Variants in SCUBE2 observed in about 807,000 individuals in gnomAD.
SCUBE2 encodes signal peptide, CUB and EGF-like domain-containing protein 2.
SCUBE2 carries 114 observed loss-of-function variants against 125.9 expected under a neutral mutation model. The observed-to-expected ratio is 0.91, with a 90% CI of 0.78 to 1.06. The LOEUF (loss-of-function observed/expected upper bound fraction) is 1.06, where lower values mean the gene tolerates loss of function less well. Ranked by LOEUF, SCUBE2 falls within the 50% of genes least tolerant of loss-of-function variation. The pLI, the probability that SCUBE2 is intolerant of heterozygous loss-of-function variation, is 0.00. For synonymous variants in SCUBE2, 459 were observed against 492.9 expected (o/e 0.93, Z 0.91); for missense variants, 1,255 against 1,301.8 (o/e 0.96, Z 0.55).
chr11:9,069,457 G>A lies in SCUBE2; in HGVS notation c.556C>T (p.His186Tyr), dbSNP rs1860569747. 2 of 1,614,134 alleles carry A rather than the reference G, an allele frequency of 1.2e-6. No homozygotes were observed. The highest frequency in any genetic ancestry group is 1.7e-6 in the Non-Finnish European group (2 of 1,180,054). ...CCCCTTGGGGCCTCCTTGCAGATGT[G>A]ACTACAGCCGTGATCCTTATTCATG... The part of the protein sequence containing the change: ...SCMNKDHGCS[H>Y]ICKEAPRGSV... The change falls in exon 5 of 23, where the codon CAC becomes TAC. Residue 186 changes from histidine (H) to tyrosine (Y), a missense_variant. By Grantham distance (83) the His-to-Tyr change is moderately conservative. Transcript: ENST00000649792.
intron 16 of SCUBE2, among the ~76,000 whole-genome samples, chr11:9,034,186 C>T (rs925838284): frequency 6.6e-6 from 1 of 152,198 alleles, no homozygotes; most frequent in African/African-American, 2.4e-5. Context: ...AGGTCTAGTG[C>T]TGGAAGAACA....
intron 4 of SCUBE2, 43 bp downstream of exon 4, chr11:9,074,438 C>G: frequency 1.9e-6 from 3 of 1,609,256 alleles, no homozygotes; most frequent in East Asian, 2.2e-5. Context: ...GGGAGAGGGT[C>G]TCAGATGTGG....
Position 9,066,789 on chromosome 11 carries a change from C to T in SCUBE2, c.668G>A (p.Gly223Glu), listed in dbSNP as rs1389578563. The change falls in exon 6 of 23, where the codon GGG (glycine) becomes GAG (glutamate). Residue 223 changes from glycine (G) to glutamate (E), a missense_variant. Transcript: ENST00000649792. ...TGTATCGTCACAGGAGTGCTGGCAC[C>T]CACCGTTCCCATGGTTACAGGTCAC... ...CILTCNHGNG[G>E]CQHSCDDTAD... The T allele has an allele frequency of 5.0e-6, 8 of 1,613,974 alleles. No individual in the cohort carries two copies. Among genetic ancestry groups the T allele is most frequent in the Non-Finnish European group, 5.9e-6 (7 of 1,180,004 alleles).
chr11:9,036,578 G>A (rs947880182), intron 16 of SCUBE2, among the ~76,000 whole-genome samples: 1 of 152,152 alleles, frequency 6.6e-6, no homozygotes, highest in Non-Finnish European at 1.5e-5. Context: ...ACTCATCCAC[G>A]GAAGGGAAAG....
chr11:9,068,411 G>A (rs142171517), intron 5 of SCUBE2, among the ~76,000 whole-genome samples: 120 of 152,300 alleles, frequency 7.9e-4, no homozygotes, highest in Non-Finnish European at 1.4e-3. Flanking sequence ...AAACACAAGT[G>A]TACTGAGCAT....
intron 4 of SCUBE2, among the ~76,000 whole-genome samples, chr11:9,070,629 G>A (rs1182966110): frequency 6.6e-6 from 1 of 152,162 alleles, no homozygotes; most frequent in Non-Finnish European, 1.5e-5. Context: ...AGTACAAAAA[G>A]GTTGCTTTCA....
intron 2 of SCUBE2, among the ~76,000 whole-genome samples, chr11:9,084,403 T>C (rs182524000): frequency 6.6e-6 from 1 of 152,264 alleles, no homozygotes; most frequent in African/African-American, 2.4e-5. Context: ...GAGACACACA[T>C]CACAGTAATA....
In SCUBE2 at chr11:9,060,487, G is replaced by A. The variant is rs1233464954; in HGVS notation, c.888C>T (p.Thr296=). 6.2e-7 allele frequency: 1 copy of A among 1,614,060 alleles called. No individual in the cohort carries two copies. Among genetic ancestry groups the A allele is most frequent in the Admixed American group, 1.7e-5 (1 of 60,022 alleles). The change falls in exon 8 of 23, where the codon ACC becomes ACT. Residue 296 remains threonine (T), a synonymous_variant. Coordinates refer to ENST00000649792, the MANE Select transcript of SCUBE2 (RefSeq NM_001367977.2). ...CAVNNGGCDR[T]CKDTSTGVHC... is the part of the protein sequence containing the mutation. Reference sequence around the variant, plus strand: ...GGACACCTGTCGAAGTATCCTTACAGGTGCGGTCACAGCCTCCATTGTTGA... The same window carrying A: ...GGACACCTGTCGAAGTATCCTTACAAGTGCGGTCACAGCCTCCATTGTTGA...
In SCUBE2 at chr11:9,053,754, T is replaced by A; in HGVS notation, c.1213A>T (p.Asn405Tyr). ...CCTCCGTTGTTGATGCTGCACTCAT[T>A]GGTGTCTGTGGAACAAAATACTCTC... is the stretch of plus-strand genomic sequence containing the variant. Reference protein sequence around the residue: ...LYGFTHCGDTNECSINNGGCQ... With the variant: ...LYGFTHCGDTYECSINNGGCQ... Residue 405 changes from asparagine to tyrosine, a missense_variant, in exon 11 of 23, where the codon AAT becomes TAT. This residue lies in a region of SCUBE2 where 378 missense variants were observed against 463.1 expected (regional missense o/e 0.82). Transcript: ENST00000649792. 6.2e-7 allele frequency: 1 copy of A among 1,612,838 alleles called. No individual in the cohort carries two copies. Among genetic ancestry groups the A allele is most frequent in the Non-Finnish European group, 8.5e-7 (1 of 1,179,020 alleles).
At chr11:9,083,430 T>C (rs1049098676) in intron 2 of SCUBE2, among the ~76,000 whole-genome samples, 6 of 152,200 alleles carry the variant, frequency 3.9e-5, no homozygotes, top group Non-Finnish European at 7.3e-5. Context: ...TATGGACTTA[T>C]AATTCTGTAA....
At chr11:9,067,868 C>G (rs1247063953) in intron 5 of SCUBE2, among the ~76,000 whole-genome samples, 1 of 138,424 alleles carries the variant, frequency 7.2e-6, no homozygotes, top group Non-Finnish European at 1.6e-5. Context: ...CACCCCCCCG[C>G]CCCCTTCAGC....
chr11:9,059,515 T>C (rs1859453110), intron 8 of SCUBE2, 90 bp from the exon 9 acceptor site: 4 of 1,430,694 alleles, frequency 2.8e-6, no homozygotes, highest in Admixed American at 4.5e-5. Flanking sequence ...TGTTCATTAG[T>C]CTCTGAAATT....
At position 9,053,638 on chromosome 11, in the gene SCUBE2, C is replaced by T; in HGVS notation, c.1329G>A (p.Val443=). The T allele has an allele frequency of 6.2e-7, 1 of 1,613,976 alleles. No homozygotes were observed. Among genetic ancestry groups the T allele is most frequent in the Non-Finnish European group, 8.5e-7 (1 of 1,179,912 alleles). Residue 443 remains valine, a splice_region_variant and synonymous_variant, in exon 11 of 23, where the codon GTG becomes GTA. Coordinates refer to ENST00000649792, the MANE Select transcript of SCUBE2 (RefSeq NM_001367977.2). ...AGTCTGTGCCTCGGTTCCCCTTACCCACACAGTCTTTTTTATTCCAGTGGA... is the reference window on the plus strand; with the variant it reads ...AGTCTGTGCCTCGGTTCCCCTTACCTACACAGTCTTTTTTATTCCAGTGGA... ...YKLHWNKKDC[V]EVKGLLPTSV...
intron 17 of SCUBE2, among the ~76,000 whole-genome samples, chr11:9,031,586 C>T (rs1031354223): frequency 1.3e-5 from 2 of 151,938 alleles, no homozygotes; most frequent in Admixed American, 1.3e-4. Context: ...CATATTTGCA[C>T]CACGGCACTC....
At chr11:9,035,313 C>T (rs1856666982) in intron 16 of SCUBE2, among the ~76,000 whole-genome samples, 1 of 152,164 alleles carries the variant, frequency 6.6e-6, no homozygotes. Context: ...TTTACAGAAA[C>T]AGAGACTTAG....
intron 13 of SCUBE2, 85 bp downstream of exon 13, chr11:9,052,661 G>C: frequency 9.9e-7 from 1 of 1,012,758 alleles, no homozygotes; most frequent in Non-Finnish European, 1.4e-6. Flanking sequence ...AAAAAACAAA[G>C]CCAATGTCCA....
At chr11:9,049,799 A>G (rs1858164470) in intron 14 of SCUBE2, 1 of 152,196 alleles carries the variant, frequency 6.6e-6, no homozygotes, top group South Asian at 2.1e-4. Context: ...TTATAACAAG[A>G]CCATTTTCCT....
intron 13 of SCUBE2, among the ~76,000 whole-genome samples, chr11:9,052,059 T>C (rs755454615): frequency 6.6e-6 from 1 of 152,216 alleles, no homozygotes; most frequent in Non-Finnish European, 1.5e-5. Flanking sequence ...CTTCATCTGG[T>C]TAATGAGAAT....
At position 9,021,130 on chromosome 11, in the gene SCUBE2, G is replaced by A. The variant is rs778060034; in HGVS notation, c.3002C>T (p.Ala1001Val). The A allele has an allele frequency of 1.2e-6, 2 of 1,613,572 alleles. No individual in the cohort carries two copies. Among genetic ancestry groups the A allele is most frequent in the South Asian group, 2.2e-5 (2 of 90,906 alleles). ...AHPQNYFKYT[A>V]QESREMFPRS... ...TGGAAACATCTCTCGGGACTCCTGGGCTGTGTACTTGAAATAGTTCTGGGG... is the reference window on the plus strand; with the variant it reads ...TGGAAACATCTCTCGGGACTCCTGGACTGTGTACTTGAAATAGTTCTGGGG... Residue 1001 changes from alanine to valine, a missense_variant, in exon 23 of 23, where the codon GCC becomes GTC. By Grantham distance (64) the Ala-to-Val change is moderately conservative. Around this residue, in one of 3 missense-constraint regions of SCUBE2, gnomAD observed 515 missense variants for 515.7 expected, o/e 1.00. Coordinates refer to ENST00000649792, the MANE Select transcript of SCUBE2 (RefSeq NM_001367977.2).
Sources: gnomAD v4.1 joint callset for allele counts (sites outside exome capture counted in the v4.1 genomes callset) on GRCh38, gnomAD v4.1.1 for gene constraint, gnomAD v4.1.1 regional missense constraint, MANE v1.5 for transcripts, NCBI Gene and HGNC (gene_info 2026-07-23, HGNC 2026-07-21) for gene names.